Variants in RAP1A observed in about 807,000 individuals in gnomAD.
RAP1A encodes the protein ras-related protein Rap-1A.
Under a neutral mutation model 26.4 loss-of-function variants are expected in RAP1A, and 6 were observed. The observed-to-expected ratio is 0.23, with a 90% CI of 0.12 to 0.45. The LOEUF is 0.45. RAP1A is among the 20% of genes least tolerant of loss of function. RAP1A has a pLI of 0.99. For missense variants in RAP1A, 121 were observed against 217.2 expected (o/e 0.56, Z 2.78); for synonymous variants, 73 against 79.4 (o/e 0.92, Z 0.43).
Position 111,669,423 on chromosome 1 carries a change from C to T in RAP1A, c.-27-21911C>T, listed in dbSNP as rs917983717. Among the ~76,000 whole-genome samples the T allele has an allele frequency of 9.9e-5, 15 of 152,102 alleles. No individual in the cohort carries two copies. In the East Asian group the frequency reaches 2.5e-3, roughly 25 times the overall value. On this transcript the variant is annotated intron_variant, in intron 1 of 7. Transcript: ENST00000369709. ...GCCTGTGAGAGGAAAGGGGATATGC[C>T]GTTTTCTTTATCTTTCTTCCTGCCC...
At chr1:111,591,064 T>C (rs1440680533) in intron 1 of RAP1A, among the ~76,000 whole-genome samples, 1 of 152,198 alleles carries the variant, frequency 6.6e-6, no homozygotes, top group Non-Finnish European at 1.5e-5. Context: ...TTCAACGTTT[T>C]AAAAATAGCT....
At chr1:111,656,703 T>TC (rs1259583173) in intron 1 of RAP1A, among the ~76,000 whole-genome samples, 1 of 152,182 alleles carries the variant, frequency 6.6e-6, no homozygotes, top group African/African-American at 2.4e-5. Flanking sequence ...CCCAAGAAAC[T>TC]ATATACATGG....
chr1:111,613,167 A>C (rs1482121283), intron 1 of RAP1A, among the ~76,000 whole-genome samples: 1 of 145,912 alleles, frequency 6.9e-6, no homozygotes, highest in Non-Finnish European at 1.5e-5. Context: ...TTTTTTTTTT[A>C]AGTTTTAAAT....
At chr1:111,583,675 G>T (rs1034936689) in intron 1 of RAP1A, among the ~76,000 whole-genome samples, 6 of 151,952 alleles carry the variant, frequency 3.9e-5, no homozygotes, top group Non-Finnish European at 5.9e-5. Context: ...AAAAAAAGCT[G>T]AACTAAAAAA....
Position 111,706,764 on chromosome 1 carries a change from TCTG to T in RAP1A, c.468+2285_468+2287del, listed in dbSNP as rs1361511904. ...CGAACTTGCCCTCATCACTGAACCA[TCTG>T]CTGCTGTGAGGTAGGCAATGTTTTC... On this transcript the variant is annotated intron_variant, in intron 6 of 7. Coordinates refer to ENST00000369709, the MANE Select transcript of RAP1A (RefSeq NM_002884.4). The T allele has an allele frequency of 9.2e-6, 9 of 977,882 alleles. No homozygotes were observed. The Admixed American group carries it at 4.9e-4, about 53-fold the overall frequency. The allele number at this position is 977,882 out of a possible 1,614,324, so 60.6% of individuals were successfully genotyped here.
At chr1:111,673,013 G>A (rs1661021263) in intron 1 of RAP1A, among the ~76,000 whole-genome samples, 1 of 152,162 alleles carries the variant, frequency 6.6e-6, no homozygotes, top group African/African-American at 2.4e-5. Context: ...ACCTTTGGGT[G>A]TATCCTCCTT....
rs182491450 is a variant in RAP1A, at chr1:111,681,859, C to T, written c.-27-9475C>T. ...AAATACAGAGAACATCACTAAGATA[C>T]TCCTCAAGAAGAGCAACCCTAAAAC... is the stretch of plus-strand genomic sequence containing the variant. On this transcript the variant is annotated intron_variant, in intron 1 of 7. Transcript: ENST00000369709. Among the ~76,000 whole-genome samples, 319 of 152,268 alleles carry T rather than the reference C, an allele frequency of 2.1e-3. 1 individual carries two copies. Among genetic ancestry groups the T allele is most frequent in the African/African-American group, 6.6e-3 (274 of 41,554 alleles).
rs566316597 is a variant in RAP1A, at chr1:111,697,625, C to A, written c.183+128C>A. The stretch of plus-strand genomic sequence containing the variant: ...TCTGATTAAGAAGAAATTCTCTGAA[C>A]ATAGGGATTCTTAAGTATATGAAAT... On this transcript the variant is annotated intron_variant, in intron 4 of 7. Transcript: ENST00000369709. The A allele has an allele frequency of 1.5e-5, 22 of 1,477,502 alleles. No homozygotes were observed. The African/African-American group carries it at 2.5e-4, about 17-fold the overall frequency. The allele number at this position is 1,477,502 out of a possible 1,614,324, so 91.5% of individuals were successfully genotyped here.
chr1:111,557,157 A>AT (rs1482027528), intron 1 of RAP1A, among the ~76,000 whole-genome samples: 1 of 152,210 alleles, frequency 6.6e-6, no homozygotes. Flanking sequence ...CTGACAACTG[A>AT]TTTTTCAACA....
intron 1 of RAP1A, among the ~76,000 whole-genome samples, chr1:111,685,115 AAATT>A (rs749391053): frequency 6.6e-6 from 1 of 152,230 alleles, no homozygotes; most frequent in Non-Finnish European, 1.5e-5. Context: ...CCTCATATAA[AAATT>A]AAGTCAAGAT....
At chr1:111,692,605 A>T (rs976404094) in intron 2 of RAP1A, among the ~76,000 whole-genome samples, 1 of 152,150 alleles carries the variant, frequency 6.6e-6, no homozygotes, top group African/African-American at 2.4e-5. Context: ...AACAACCTAA[A>T]TGTATTCCAT....
chr1:111,667,553 G>A (rs1261737844), intron 1 of RAP1A, among the ~76,000 whole-genome samples: 5 of 152,004 alleles, frequency 3.3e-5, no homozygotes, highest in Middle Eastern at 3.4e-3. Context: ...GTGGTGGCCC[G>A]CACCTGTAAT....
At chr1:111,704,203 T>A in intron 5 of RAP1A, 140 bp from the exon 6 acceptor site, 1 of 706,702 alleles carries the variant, frequency 1.4e-6, no homozygotes, top group Non-Finnish European at 2.1e-6. Flanking sequence ...CCTCAACATA[T>A]ACTTTTCGTT....
intron 1 of RAP1A, among the ~76,000 whole-genome samples, chr1:111,568,667 C>T (rs1015017897): frequency 6.6e-6 from 1 of 152,142 alleles, no homozygotes; most frequent in Admixed American, 6.5e-5. Context: ...CATTTGACCC[C>T]TAAACAACAC....
chr1:111,543,466 A>G (rs1571451688), intron 1 of RAP1A, among the ~76,000 whole-genome samples: 2 of 152,200 alleles, frequency 1.3e-5, no homozygotes, highest in Admixed American at 6.5e-5. Flanking sequence ...TAATTGGGTC[A>G]TATCACTCTT....
rs1187032230 is a variant in RAP1A at position 111,714,632 on chromosome 1, T to TA, written c.*2232dup. 6.6e-6 allele frequency: 1 copy of TA among 152,234 alleles called. No homozygotes were observed. Among genetic ancestry groups the TA allele is most frequent in the Non-Finnish European group, 1.5e-5 (1 of 68,058 alleles). 9.4% of individuals were successfully genotyped at this position (152,234 alleles called of 1,614,324 possible). A position where few individuals can be genotyped will look rare whatever the true frequency, so the allele number is the denominator to read the frequency against. On this transcript the variant is annotated 3_prime_UTR_variant, in exon 8 of 8. Coordinates refer to ENST00000369709, the MANE Select transcript of RAP1A (RefSeq NM_002884.4). ...AAAACGCCTTTCTGGCACACAGTGA[T>TA]ATGCAGAGCAGGACCAGCTGAAGTC...
At chr1:111,542,527 C>G in intron 1 of RAP1A, 1 of 198,464 alleles carries the variant, frequency 5.0e-6, no homozygotes, top group Non-Finnish European at 1.1e-5. Flanking sequence ...ATTTTTATTT[C>G]ATTTACAGCA....
rs746089026 is a variant in RAP1A, at chr1:111,703,482, T to C, written c.324+6T>C. 4.4e-6 allele frequency: 7 copies of C among 1,576,300 alleles called. No individual in the cohort carries two copies. In the East Asian group the frequency reaches 1.4e-4, roughly 31 times the overall value. On this transcript the variant is annotated splice_donor_region_variant and intron_variant, in intron 5 of 7. Transcript: ENST00000369709. ...GGGTTAAGGACACGGAAGATGTAAGTATTTTTTCTCTCTGTAAGATGTTAT... is the reference window on the plus strand; with the variant it reads ...GGGTTAAGGACACGGAAGATGTAAGCATTTTTTCTCTCTGTAAGATGTTAT...
chr1:111,575,084 CTCTG>C (rs1658119167), intron 1 of RAP1A, among the ~76,000 whole-genome samples: 1 of 152,042 alleles, frequency 6.6e-6, no homozygotes. Context: ...TGAATTCCAG[CTCTG>C]TCTGGCTCTA....
Sources: gnomAD v4.1 joint callset for allele counts (sites outside exome capture counted in the v4.1 genomes callset) on GRCh38, gnomAD v4.1.1 for gene constraint, MANE v1.5 for transcripts, NCBI Gene and HGNC (gene_info 2026-07-23, HGNC 2026-07-21) for gene names.